Variants in TENM3 observed in about 807,000 individuals in gnomAD.
The protein encoded by TENM3 is teneurin-3.
In TENM3, 63 loss-of-function variants were observed where a neutral mutation model predicts 255.1. That is an observed-to-expected ratio of 0.25 (90% CI 0.20 to 0.30). The LOEUF (loss-of-function observed/expected upper bound fraction) is 0.30. TENM3 is among the 10% of genes least tolerant of loss of function. The pLI is 1.00. For synonymous variants in TENM3, 1,306 were observed against 1,322.3 expected (o/e 0.99, Z 0.27); for missense variants, 2,929 against 3,461.1 (o/e 0.85, Z 3.86).
the TENM3 span, among the ~76,000 whole-genome samples, chr4:181,688,545 G>A: frequency 3.9e-5 from 6 of 152,068 alleles, no homozygotes; most frequent in Non-Finnish European, 7.4e-5. Context: ...TTGCAAGTAC[G>A]TGTCATTGTG....
chr4:182,401,486 C>CT (rs1453997457), intron 3 of TENM3, among the ~76,000 whole-genome samples: 1 of 152,218 alleles, frequency 6.6e-6, no homozygotes, highest in African/African-American at 2.4e-5. Flanking sequence ...TCCTAAATGA[C>CT]TTTTGATATA....
At chr4:181,798,318 T>G in the TENM3 span, among the ~76,000 whole-genome samples, 1 of 152,056 alleles carries the variant, frequency 6.6e-6, no homozygotes, top group Non-Finnish European at 1.5e-5. Flanking sequence ...ATTTATTTAT[T>G]TATTTTTTGA....
the TENM3 span, among the ~76,000 whole-genome samples, chr4:181,819,652 C>T: frequency 6.6e-6 from 1 of 152,174 alleles, no homozygotes; most frequent in East Asian, 1.9e-4. Context: ...TGTTGCACCT[C>T]CGATCATCAG....
At chr4:182,397,661 C>T (rs1355304423) in intron 3 of TENM3, among the ~76,000 whole-genome samples, 1 of 152,142 alleles carries the variant, frequency 6.6e-6, no homozygotes, top group Non-Finnish European at 1.5e-5. Context: ...GGTATTAAAA[C>T]ACAGGCATTC....
chr4:181,845,997 T>C, the TENM3 span, among the ~76,000 whole-genome samples: 1 of 152,228 alleles, frequency 6.6e-6, no homozygotes, highest in East Asian at 1.9e-4. Flanking sequence ...GCTAAGGTTC[T>C]TTGTAATATT....
the TENM3 span, among the ~76,000 whole-genome samples, chr4:181,962,289 A>G: frequency 2.6e-5 from 4 of 152,222 alleles, no homozygotes; most frequent in Admixed American, 1.3e-4. Context: ...CCAGGATCCA[A>G]ATTCCAGAAT....
chr4:181,546,290 A>G, the TENM3 span, among the ~76,000 whole-genome samples: 97 of 152,290 alleles, frequency 6.4e-4, no homozygotes, highest in African/African-American at 2.3e-3. Context: ...AAAATCTATT[A>G]TATTGTCTGA....
chr4:182,761,781 T>C (rs1224988236), intron 22 of TENM3, among the ~76,000 whole-genome samples: 3 of 152,216 alleles, frequency 2.0e-5, no homozygotes, highest in African/African-American at 7.2e-5. Flanking sequence ...CTATTTTTGA[T>C]AGAATTTTAA....
At chr4:181,457,418 C>G in the TENM3 span, among the ~76,000 whole-genome samples, 5 of 151,710 alleles carry the variant, frequency 3.3e-5, no homozygotes, top group Non-Finnish European at 7.4e-5. Flanking sequence ...TCATTATTCT[C>G]TCTCCTTCTT....
At chr4:182,603,637 T>G (rs1748110365) in intron 4 of TENM3, among the ~76,000 whole-genome samples, 1 of 151,994 alleles carries the variant, frequency 6.6e-6, no homozygotes, top group Non-Finnish European at 1.5e-5. Flanking sequence ...TTTCCTTCTT[T>G]TAGTTAAGGT....
intron 3 of TENM3, among the ~76,000 whole-genome samples, chr4:182,500,939 G>A (rs1580756069): frequency 6.6e-6 from 1 of 152,086 alleles, no homozygotes; most frequent in Non-Finnish European, 1.5e-5. Flanking sequence ...GCATATTTGA[G>A]TGGAAAAAGT....
the TENM3 span, among the ~76,000 whole-genome samples, chr4:181,816,245 T>C: frequency 1.3e-5 from 2 of 152,154 alleles, no homozygotes; most frequent in African/African-American, 4.8e-5. Flanking sequence ...AACCTTCCAG[T>C]CTTTGAGGAG....
intron 4 of TENM3, among the ~76,000 whole-genome samples, chr4:182,617,253 C>A (rs918548502): frequency 6.6e-6 from 1 of 152,072 alleles, no homozygotes; most frequent in Non-Finnish European, 1.5e-5. Flanking sequence ...TAATAATAGG[C>A]GTTATGGAAG....
the TENM3 span, among the ~76,000 whole-genome samples, chr4:181,959,098 A>G: frequency 6.6e-6 from 1 of 152,162 alleles, no homozygotes; most frequent in African/African-American, 2.4e-5. Context: ...TTTCAGAATC[A>G]AGTATTAAAT....
At chr4:181,622,953 C>T in the TENM3 span, among the ~76,000 whole-genome samples, 3 of 152,188 alleles carry the variant, frequency 2.0e-5, no homozygotes, top group South Asian at 2.1e-4. Flanking sequence ...CAATGCCATG[C>T]GTTACCCTTC....
intron 3 of TENM3, among the ~76,000 whole-genome samples, chr4:182,356,155 AT>A (rs1216051650): frequency 1.3e-5 from 2 of 152,150 alleles, no homozygotes; most frequent in African/African-American, 4.8e-5. Flanking sequence ...CAAAAGATTA[AT>A]TGACAAAAGA....
At chr4:182,637,467 T>C (rs1477101567) in intron 5 of TENM3, among the ~76,000 whole-genome samples, 2 of 152,188 alleles carry the variant, frequency 1.3e-5, no homozygotes, top group South Asian at 4.1e-4. Context: ...GAGGCTGTAA[T>C]GCCTGATGAT....
In TENM3 at chr4:182,736,328, G is replaced by T. The variant is rs190080955; in HGVS notation, c.2968-480G>T. Among the ~76,000 whole-genome samples, 40 of 152,338 alleles carry T rather than the reference G, an allele frequency of 2.6e-4. 1 individual carries two copies. The highest frequency in any genetic ancestry group is 2.4e-3 in the Admixed American group (36 of 15,308). On this transcript the variant is annotated intron_variant, in intron 16 of 27. Transcript: ENST00000511685. ...TGGCACAGGCCAGATCTTTGGCCTA[G>T]ACTGCATCCCTGTTCTGAGCTAACC...
the TENM3 span, among the ~76,000 whole-genome samples, chr4:181,463,606 CATT>C: frequency 1.3e-5 from 2 of 152,098 alleles, no homozygotes; most frequent in Non-Finnish European, 2.9e-5. Flanking sequence ...TGGTTGTTGT[CATT>C]GTTGGTAGCA....
Sources: allele counts gnomAD v4.1 joint callset (sites outside exome capture counted in the v4.1 genomes callset), GRCh38; gene constraint gnomAD v4.1.1; transcripts MANE v1.5; gene names NCBI Gene and HGNC (gene_info 2026-07-23, HGNC 2026-07-21).